The following BCL9 variants were observed in gnomAD, a reference collection of about 807,000 sequenced individuals.
BCL9 encodes the protein BCL9 transcription coactivator, also known as B-cell CLL/lymphoma 9 protein.
BCL9 carries 25 observed loss-of-function variants against 88.5 expected under a neutral mutation model. The observed-to-expected ratio is 0.28, with a 90% CI of 0.21 to 0.39. The LOEUF (loss-of-function observed/expected upper bound fraction) is 0.39, where lower values mean the gene tolerates loss of function less well. BCL9 is among the 10% of genes least tolerant of loss of function. The pLI is 1.00. For synonymous variants in BCL9, 711 were observed against 673.3 expected, an observed-to-expected ratio of 1.06 and a Z score of -0.87; for missense variants, 1,817 against 1,877.8, an observed-to-expected ratio of 0.97 and a Z score of 0.60.
rs1482566648 is a variant in BCL9, at chr1:147,614,001, TG to T, written c.371-420del. On this transcript the variant is annotated intron_variant, in intron 5 of 9. Transcript: ENST00000234739. ...CCTGCTATGAGTGCCAGCACTATGC[TG>T]GGGGGCCATGGTCAGCAAGATAGAT... Among the ~76,000 whole-genome samples, 4 of 152,194 alleles carry T rather than the reference TG, an allele frequency of 2.6e-5. No individual in the cohort carries two copies. In the South Asian group the frequency reaches 8.3e-4, roughly 32 times the overall value.
At chr1:147,566,722 C>T (rs1477333249) in intron 1 of BCL9, among the ~76,000 whole-genome samples, 1 of 151,348 alleles carries the variant, frequency 6.6e-6, no homozygotes, top group African/African-American at 2.4e-5. Context: ...CGCCACTGCA[C>T]TCCAGCCCTG....
intron 1 of BCL9, among the ~76,000 whole-genome samples, chr1:147,556,675 T>C (rs1387216848): frequency 2.0e-5 from 3 of 151,626 alleles, no homozygotes; most frequent in African/African-American, 7.3e-5. Flanking sequence ...TCTTGAACTC[T>C]TAGGCTCAAG....
At chr1:147,614,301 G>A (rs1355822510) in intron 5 of BCL9, 126 bp from the exon 6 acceptor site, 1 of 858,630 alleles carries the variant, frequency 1.2e-6, no homozygotes, top group Non-Finnish European at 1.8e-6. Flanking sequence ...AAGTAGAAGA[G>A]GTTTCCTCTT....
chr1:147,594,079 G>T (rs782340564), intron 1 of BCL9, among the ~76,000 whole-genome samples: 30 of 152,296 alleles, frequency 2.0e-4, no homozygotes, highest in Admixed American at 9.2e-4. Context: ...AGATAGAGGG[G>T]CCCTCATTGG....
chr1:147,593,740 GGATTC>G (rs1341192028), intron 1 of BCL9, among the ~76,000 whole-genome samples: 1 of 151,970 alleles, frequency 6.6e-6, no homozygotes, highest in African/African-American at 2.4e-5. Flanking sequence ...ATTGAATGTT[GGATTC>G]ATTTTTTGTA....
chr1:147,596,414 TTC>T lies in BCL9; in HGVS notation c.-477-8361_-477-8360del, dbSNP rs1254684771. On this transcript the variant is annotated intron_variant, in intron 1 of 9. Coordinates refer to ENST00000234739, the MANE Select transcript of BCL9 (RefSeq NM_004326.4). ...TTAGATTGACTTTCTTTTTTTTCTT[TTC>T]TTTTTTTTTTTTTTTGAGACGGAGT... Among the ~76,000 whole-genome samples, 5 of 135,994 alleles carry T rather than the reference TTC, an allele frequency of 3.7e-5. 1 individual carries two copies. Among genetic ancestry groups the T allele is most frequent in the African/African-American group, 1.4e-4 (5 of 35,288 alleles). 89.2% of individuals were successfully genotyped at this position (135,994 alleles called of 152,430 possible). A position where few individuals can be genotyped will look rare whatever the true frequency, so the allele number is the denominator to read the frequency against.
chr1:147,620,523 G>T lies in BCL9; in HGVS notation c.2368G>T (p.Gly790Cys). The change falls in exon 8 of 10, where the codon GGT becomes TGT. Residue 790 changes from glycine to cysteine, a missense_variant. Coordinates refer to ENST00000234739, the MANE Select transcript of BCL9 (RefSeq NM_004326.4). ...CAGACCATTCCTTCCCATGTCTCAG[G>T]GTCCAGGCAGCAACAGTGGCTTGCG... Reference protein sequence around the residue: ...GPRPFLPMSQGPGSNSGLRNL... With the variant: ...GPRPFLPMSQCPGSNSGLRNL... 6.2e-7 allele frequency: 1 copy of T among 1,614,166 alleles called. No homozygotes were observed. The highest frequency in any genetic ancestry group is 1.1e-5 in the South Asian group (1 of 91,080).
chr1:147,577,670 T>C (rs1656170949), intron 1 of BCL9, among the ~76,000 whole-genome samples: 1 of 152,150 alleles, frequency 6.6e-6, no homozygotes. Context: ...CTCTTTTTGC[T>C]TTCCTTAGTG....
intron 1 of BCL9, among the ~76,000 whole-genome samples, chr1:147,562,033 A>G (rs587762537): frequency 6.6e-6 from 1 of 152,356 alleles, no homozygotes; most frequent in African/African-American, 2.4e-5. Flanking sequence ...GAGCAGTTCA[A>G]GATACCTGGT....
rs77890996 is a variant in BCL9 at position 147,594,570 on chromosome 1, A to T, written c.-477-10207A>T. ...TTAAAGTTCTTTAAACTTCAAAGAG[A>T]TGATAGCTAAAGTTAGGAGAGTGAA... On this transcript the variant is annotated intron_variant, in intron 1 of 9. Coordinates refer to ENST00000234739, the MANE Select transcript of BCL9 (RefSeq NM_004326.4). Among the ~76,000 whole-genome samples the T allele has an allele frequency of 2.1e-3, 323 of 152,334 alleles. 2 individuals are homozygous for T. Among genetic ancestry groups the T allele is most frequent in the African/African-American group, 7.5e-3 (312 of 41,584 alleles).
At chr1:147,552,566 A>G (rs970092272) in intron 1 of BCL9, among the ~76,000 whole-genome samples, 1 of 152,242 alleles carries the variant, frequency 6.6e-6, no homozygotes, top group African/African-American at 2.4e-5. Context: ...AGATCGCACC[A>G]TTGCACTCCA....
At chr1:147,584,143 G>A (rs1461026983) in intron 1 of BCL9, among the ~76,000 whole-genome samples, 2 of 151,770 alleles carry the variant, frequency 1.3e-5, no homozygotes, top group Non-Finnish European at 2.9e-5. Flanking sequence ...TGCTTCCCGG[G>A]TTCAAGTGAT....
chr1:147,565,958 T>C (rs781970300), intron 1 of BCL9, among the ~76,000 whole-genome samples: 1 of 152,180 alleles, frequency 6.6e-6, no homozygotes, highest in Non-Finnish European at 1.5e-5. Context: ...ATACTTGCAA[T>C]TCCCATCTTC....
intron 7 of BCL9, 110 bp downstream of exon 7, chr1:147,616,012 C>A: frequency 2.0e-6 from 2 of 1,020,450 alleles, no homozygotes; most frequent in Non-Finnish European, 2.9e-6. Context: ...GCATGAGTTG[C>A]ATTCTTGGCA....
In BCL9 at chr1:147,613,014, C is replaced by T; in HGVS notation, c.185C>T (p.Ser62Phe). The T allele has an allele frequency of 6.2e-7, 1 of 1,603,412 alleles. No homozygotes were observed. Among genetic ancestry groups the T allele is most frequent in the Non-Finnish European group, 8.5e-7 (1 of 1,174,932 alleles). Residue 62 changes from serine (S) to phenylalanine (F), a missense_variant, in exon 5 of 10, where the codon TCC becomes TTC. Ser to Phe is a radical substitution (Grantham distance 155). Transcript: ENST00000234739. ...QGGSASQSQP[S>F]PCDSKSGGHT... ...GGCTCAGCCAGCCAATCCCAGCCAT[C>T]CCCCTGTGACTCCAAGAGTGGGGGC...
chr1:147,591,523 C>T (rs1448264099), intron 1 of BCL9, among the ~76,000 whole-genome samples: 3 of 152,086 alleles, frequency 2.0e-5, no homozygotes, highest in Admixed American at 6.6e-5. Context: ...GGGGTTATTG[C>T]GTATATAAAT....
At chr1:147,603,482 T>A (rs1344689062) in intron 1 of BCL9, among the ~76,000 whole-genome samples, 1 of 152,130 alleles carries the variant, frequency 6.6e-6, no homozygotes, top group African/African-American at 2.4e-5. Context: ...GATTACTTGC[T>A]CTAGATCAGG....
chr1:147,544,817 A>T (rs1231452180), intron 1 of BCL9, among the ~76,000 whole-genome samples: 1 of 152,188 alleles, frequency 6.6e-6, no homozygotes, highest in African/African-American at 2.4e-5. Context: ...GTTTAGTGAT[A>T]TCAAAGATAG....
At chr1:147,553,145 G>T (rs587741194) in intron 1 of BCL9, among the ~76,000 whole-genome samples, 1 of 152,044 alleles carries the variant, frequency 6.6e-6, no homozygotes, top group East Asian at 1.9e-4. Flanking sequence ...TTCTACATCC[G>T]AATCCTGTTT....
Sources: gnomAD v4.1 joint callset for allele counts (sites outside exome capture counted in the v4.1 genomes callset) on GRCh38, gnomAD v4.1.1 for gene constraint, MANE v1.5 for transcripts, NCBI Gene and HGNC (gene_info 2026-07-23, HGNC 2026-07-21) for gene names.